ROR2: variants seen among roughly 807,000 people sequenced by gnomAD.
The protein encoded by ROR2 is ROR family WNT receptor 2, also known as tyrosine-protein kinase transmembrane receptor ROR2.
Under a neutral mutation model 74.9 loss-of-function variants are expected in ROR2, and 33 were observed. That is an observed-to-expected ratio of 0.44 (90% CI 0.33 to 0.59). The LOEUF (loss-of-function observed/expected upper bound fraction) is 0.59. Among genes scored for constraint, ROR2 ranks in the 20% least tolerant of loss-of-function variants. The pLI, the probability that ROR2 is intolerant of heterozygous loss-of-function variation, is 0.02. For missense variants in ROR2, 1,216 were observed against 1,313.8 expected, an observed-to-expected ratio of 0.93 and a Z score of 1.15; for synonymous variants, 586 against 558.7, an observed-to-expected ratio of 1.05 and a Z score of -0.69.
At chr9:91,780,346 C>T (rs1362238569) in intron 1 of ROR2, among the ~76,000 whole-genome samples, 1 of 151,378 alleles carries the variant, frequency 6.6e-6, no homozygotes, top group Non-Finnish European at 1.5e-5. Flanking sequence ...CACACTACTC[C>T]AGCCTAGGCG....
intron 1 of ROR2, among the ~76,000 whole-genome samples, chr9:91,810,597 C>T (rs1827718182): frequency 6.6e-6 from 1 of 152,144 alleles, no homozygotes; most frequent in Non-Finnish European, 1.5e-5. Flanking sequence ...GGCAGCAACA[C>T]CTCAGTAAAT....
intron 1 of ROR2, among the ~76,000 whole-genome samples, chr9:91,929,996 C>T (rs923568136): frequency 1.3e-5 from 2 of 152,096 alleles, no homozygotes; most frequent in African/African-American, 4.8e-5. Context: ...CTGCTCAACC[C>T]CTACTGCACA....
At chr9:91,868,458 C>G (rs930522293) in intron 1 of ROR2, among the ~76,000 whole-genome samples, 4 of 152,028 alleles carry the variant, frequency 2.6e-5, no homozygotes, top group African/African-American at 9.7e-5. Context: ...TGTAAACCCA[C>G]AAAATAAATT....
rs369925881 is a variant in ROR2 at position 91,835,593 on chromosome 9, C to G, written c.98-59775G>C. Reference sequence around the variant, plus strand: ...GTGAAAATGTTCCCAGTAAGGCTACCGACTCATCGCAGTAAACTCAGGAGC... The same window carrying G: ...GTGAAAATGTTCCCAGTAAGGCTACGGACTCATCGCAGTAAACTCAGGAGC... On this transcript the variant is annotated intron_variant, in intron 1 of 8. Coordinates refer to ENST00000375708, the MANE Select transcript of ROR2 (RefSeq NM_004560.4). Among the ~76,000 whole-genome samples, 90 of 152,302 alleles carry G rather than the reference C, an allele frequency of 5.9e-4. 2 individuals carry two copies. In the South Asian group the frequency reaches 0.018, roughly 31 times the overall value.
At chr9:91,743,933 T>G (rs190627584) in intron 4 of ROR2, among the ~76,000 whole-genome samples, 2 of 152,230 alleles carry the variant, frequency 1.3e-5, no homozygotes, top group Non-Finnish European at 2.9e-5. Flanking sequence ...TTATTTATAA[T>G]TGCCCCCAAA....
intron 1 of ROR2, among the ~76,000 whole-genome samples, chr9:91,786,896 A>C (rs1826821846): frequency 6.6e-6 from 1 of 152,190 alleles, no homozygotes; most frequent in Admixed American, 6.5e-5. Context: ...GGAGCTACGG[A>C]ACTTCAAAAG....
At chr9:91,766,510 A>G (rs1458419683) in intron 2 of ROR2, among the ~76,000 whole-genome samples, 1 of 152,170 alleles carries the variant, frequency 6.6e-6, no homozygotes, top group Non-Finnish European at 1.5e-5. Context: ...AGTCTGGTCC[A>G]CCATTTTCAA....
In ROR2 at chr9:91,790,465, G is replaced by A. The variant is rs145936864; in HGVS notation, c.98-14647C>T. ...AAGGAGACTGCAGTGAGCCAAGATC[G>A]CGCCACTGCACTCCAGCCTGGTGAC... On this transcript the variant is annotated intron_variant, in intron 1 of 8. Coordinates refer to ENST00000375708, the MANE Select transcript of ROR2 (RefSeq NM_004560.4). 5.4e-3 allele frequency among the ~76,000 whole-genome samples: 811 copies of A among 150,360 alleles called. 7 individuals are homozygous for A. The highest frequency in any genetic ancestry group is 0.018 in the African/African-American group (746 of 40,852).
At chr9:91,816,004 C>G (rs1827917787) in intron 1 of ROR2, among the ~76,000 whole-genome samples, 1 of 152,182 alleles carries the variant, frequency 6.6e-6, no homozygotes, top group African/African-American at 2.4e-5. Flanking sequence ...CTCAGAAAAC[C>G]CTTCTCCATA....
chr9:91,930,752 G>A (rs1013701654), intron 1 of ROR2, among the ~76,000 whole-genome samples: 5 of 152,150 alleles, frequency 3.3e-5, no homozygotes, highest in South Asian at 2.1e-4. Context: ...ACCTATAAGC[G>A]GTGTTCCTGA....
intron 1 of ROR2, among the ~76,000 whole-genome samples, chr9:91,826,216 T>C (rs11790808): frequency 0.037 from 5,630 of 152,248 alleles, 152 homozygotes; most frequent in East Asian, 0.095. Flanking sequence ...TTCCCATTCA[T>C]AGGACTGAAT....
chr9:91,725,874 C>T (rs1170097116), intron 8 of ROR2, among the ~76,000 whole-genome samples: 1 of 152,168 alleles, frequency 6.6e-6, no homozygotes, highest in Non-Finnish European at 1.5e-5. Context: ...AAACTCTCAC[C>T]GACTCTGGGA....
intron 4 of ROR2, among the ~76,000 whole-genome samples, chr9:91,745,342 C>T (rs930182727): frequency 8.6e-5 from 13 of 151,360 alleles, no homozygotes; most frequent in Non-Finnish European, 1.9e-4. Flanking sequence ...TCAGGCTGGT[C>T]TCAAACTCCC....
intron 1 of ROR2, among the ~76,000 whole-genome samples, chr9:91,897,848 T>G (rs1333626800): frequency 1.3e-5 from 2 of 152,154 alleles, no homozygotes; most frequent in Non-Finnish European, 2.9e-5. Flanking sequence ...CGGGTCTGCT[T>G]CTGAGGGAGT....
intron 1 of ROR2, among the ~76,000 whole-genome samples, chr9:91,805,055 A>T (rs1431586135): frequency 6.6e-6 from 1 of 152,234 alleles, no homozygotes; most frequent in African/African-American, 2.4e-5. Context: ...TTTAATGATG[A>T]CACCCAATTA....
Position 91,724,980 on chromosome 9 carries a change from G to A in ROR2, c.1514C>T (p.Ala505Val), listed in dbSNP as rs1473967816. 5.0e-6 allele frequency: 8 copies of A among 1,613,518 alleles called. No individual in the cohort carries two copies. Among genetic ancestry groups the A allele is most frequent in the Non-Finnish European group, 5.9e-6 (7 of 1,180,022 alleles). Reference sequence around the variant, plus strand: ...CGCTTTGTCCTTCAGCGTTTTGATGGCCACAGCCTGGGTCTGCTCCCCCGG... The same window carrying A: ...CGCTTTGTCCTTCAGCGTTTTGATGACCACAGCCTGGGTCTGCTCCCCCGG... ...PAPGEQTQAVAIKTLKDKAEG... is the reference protein window; with the variant it reads ...PAPGEQTQAVVIKTLKDKAEG... Residue 505 changes from alanine (A) to valine (V), a missense_variant, in exon 9 of 9, where the codon GCC becomes GTC. Transcript: ENST00000375708.
At chr9:91,868,310 A>T (rs1829701043) in intron 1 of ROR2, among the ~76,000 whole-genome samples, 1 of 152,158 alleles carries the variant, frequency 6.6e-6, no homozygotes, top group South Asian at 2.1e-4. Flanking sequence ...CAAAAGAGAA[A>T]AAAATTGAAA....
chr9:91,825,367 G>A (rs1563984412), intron 1 of ROR2, among the ~76,000 whole-genome samples: 1 of 152,230 alleles, frequency 6.6e-6, no homozygotes, highest in East Asian at 1.9e-4. Context: ...TGTCAAACTT[G>A]TGGGGCACCC....
intron 1 of ROR2, among the ~76,000 whole-genome samples, chr9:91,794,216 A>C (rs1009306202): frequency 5.3e-5 from 8 of 152,262 alleles, no homozygotes; most frequent in African/African-American, 1.7e-4. Flanking sequence ...TAAGGACAGC[A>C]ATATTCACAA....
Sources: allele counts gnomAD v4.1 joint callset (sites outside exome capture counted in the v4.1 genomes callset), GRCh38; gene constraint gnomAD v4.1.1; transcripts MANE v1.5; gene names NCBI Gene and HGNC (gene_info 2026-07-23, HGNC 2026-07-21).